The following NALF1 variants were observed in gnomAD, a reference collection of about 807,000 sequenced individuals.
The protein encoded by NALF1 is family with sequence similarity 155 member A.
In NALF1, 3 loss-of-function variants were observed where a neutral mutation model predicts 48.4. The ratio of observed to expected loss-of-function variants is 0.06; its 90% confidence interval spans 0.03 to 0.16. The LOEUF (loss-of-function observed/expected upper bound fraction) is 0.16. Among genes scored for constraint, NALF1 ranks in the 10% least tolerant of loss-of-function variants. The pLI is 1.00. For synonymous variants in NALF1, 262 were observed against 245.7 expected (o/e 1.07, Z -0.62); for missense variants, 526 against 571.5 (o/e 0.92, Z 0.81).
chr13:107,277,484 T>G (rs1881304113), intron 1 of NALF1, among the ~76,000 whole-genome samples: 1 of 152,184 alleles, frequency 6.6e-6, no homozygotes, highest in African/African-American at 2.4e-5. Context: ...TGGTCAAAAT[T>G]TGGCTGTTTT....
chr13:107,794,022 G>A (rs61967467), intron 1 of NALF1, among the ~76,000 whole-genome samples: 26,207 of 151,938 alleles, frequency 0.17, 2,580 homozygotes, highest in Admixed American at 0.27. Context: ...AAGGTAAAAC[G>A]TAAACCATTC....
chr13:107,457,357 AC>A (rs1477031263), intron 1 of NALF1, among the ~76,000 whole-genome samples: 1 of 152,182 alleles, frequency 6.6e-6, no homozygotes, highest in Non-Finnish European at 1.5e-5. Context: ...GTTTCAGATT[AC>A]CTATGAATGT....
At chr13:107,464,530 T>C (rs1468910470) in intron 1 of NALF1, among the ~76,000 whole-genome samples, 1 of 152,020 alleles carries the variant, frequency 6.6e-6, no homozygotes, top group East Asian at 1.9e-4. Context: ...TTTTTTTAAT[T>C]TTTTTTTGAG....
At chr13:107,529,038 A>G (rs540897049) in intron 1 of NALF1, among the ~76,000 whole-genome samples, 41 of 152,242 alleles carry the variant, frequency 2.7e-4, no homozygotes, top group African/African-American at 9.9e-4. Context: ...CCTTTTCTAC[A>G]GTGTTACTCA....
rs1243458209 is a variant in NALF1 at position 107,164,933 on chromosome 13, C to T, written c.*5564G>A. On this transcript the variant is annotated 3_prime_UTR_variant, in exon 3 of 3. Coordinates refer to ENST00000375915, the MANE Select transcript of NALF1 (RefSeq NM_001080396.3). ...ATGATAACTAACTACTACTGAGCAC[C>T]TGTTTTGTCCAGGCACATTTATATT... is the stretch of plus-strand genomic sequence containing the variant. 6.6e-6 allele frequency: 1 copy of T among 152,102 alleles called. No individual in the cohort carries two copies. The highest frequency in any genetic ancestry group is 1.5e-5 in the Non-Finnish European group (1 of 68,026). 9.4% of individuals were successfully genotyped at this position (152,102 alleles called of 1,614,324 possible). A position where few individuals can be genotyped will look rare whatever the true frequency, so the allele number is the denominator to read the frequency against.
In NALF1 at chr13:107,185,367, C is replaced by T. The variant is rs144166254; in HGVS notation, c.1088-14581G>A. Among the ~76,000 whole-genome samples the T allele has an allele frequency of 1.6e-3, 240 of 151,442 alleles. 1 individual carries two copies. The highest frequency in any genetic ancestry group is 5.5e-3 in the African/African-American group (228 of 41,188). On this transcript the variant is annotated intron_variant, in intron 2 of 2. Coordinates refer to ENST00000375915, the MANE Select transcript of NALF1 (RefSeq NM_001080396.3). Reference sequence around the variant, plus strand: ...TTATCTATTTGCCTCCAGAACAGTGCGTGTTATTCCCCCCACCCCCGCCCC... The same window carrying T: ...TTATCTATTTGCCTCCAGAACAGTGTGTGTTATTCCCCCCACCCCCGCCCC...
At chr13:107,552,267 C>G (rs1250356904) in intron 1 of NALF1, among the ~76,000 whole-genome samples, 1 of 152,144 alleles carries the variant, frequency 6.6e-6, no homozygotes, top group Non-Finnish European at 1.5e-5. Flanking sequence ...TCATTGCCTG[C>G]TACAGTCAAC....
intron 1 of NALF1, among the ~76,000 whole-genome samples, chr13:107,427,856 A>G (rs1884306396): frequency 1.3e-5 from 2 of 152,216 alleles, no homozygotes; most frequent in African/African-American, 4.8e-5. Context: ...GAGGATAGAA[A>G]AAAAGATAAA....
At chr13:107,338,824 AC>A (rs1435370313) in intron 1 of NALF1, among the ~76,000 whole-genome samples, 1 of 152,168 alleles carries the variant, frequency 6.6e-6, no homozygotes, top group African/African-American at 2.4e-5. Flanking sequence ...TGGGTGCAAA[AC>A]AATTCTAAAA....
rs932444079 is a variant in NALF1, at chr13:107,596,121, C to T, written c.915+269561G>A. ...AGGAATGATCTGTGGGAGAAGGCACCTCAACAAATACAAAGTAGTGGGAAT... is the reference window on the plus strand; with the variant it reads ...AGGAATGATCTGTGGGAGAAGGCACTTCAACAAATACAAAGTAGTGGGAAT... On this transcript the variant is annotated intron_variant, in intron 1 of 2. Coordinates refer to ENST00000375915, the MANE Select transcript of NALF1 (RefSeq NM_001080396.3). Among the ~76,000 whole-genome samples, 3 of 152,132 alleles carry T rather than the reference C, an allele frequency of 2.0e-5. No homozygotes were observed. In the South Asian group the frequency reaches 6.2e-4, roughly 31 times the overall value.
At chr13:107,680,055 G>A (rs1462219295) in intron 1 of NALF1, among the ~76,000 whole-genome samples, 1 of 152,176 alleles carries the variant, frequency 6.6e-6, no homozygotes, top group African/African-American at 2.4e-5. Context: ...TCCCAAGCAT[G>A]GCTGCTTCAG....
At chr13:107,303,036 C>A (rs1226024593) in intron 1 of NALF1, among the ~76,000 whole-genome samples, 1 of 152,170 alleles carries the variant, frequency 6.6e-6, no homozygotes, top group African/African-American at 2.4e-5. Context: ...CCATACTTGT[C>A]ACCTTCTATT....
chr13:107,619,431 T>C (rs1332796688), intron 1 of NALF1, among the ~76,000 whole-genome samples: 1 of 152,180 alleles, frequency 6.6e-6, no homozygotes. Context: ...AAGTATCTCA[T>C]TGCCTTGCAG....
chr13:107,521,778 A>T (rs1055637209), intron 1 of NALF1, among the ~76,000 whole-genome samples: 1 of 152,168 alleles, frequency 6.6e-6, no homozygotes, highest in Non-Finnish European at 1.5e-5. Flanking sequence ...TAGGAGTACA[A>T]GAAAGACTTT....
intron 1 of NALF1, among the ~76,000 whole-genome samples, chr13:107,734,615 T>G (rs1009302144): frequency 1.3e-5 from 2 of 152,158 alleles, no homozygotes; most frequent in African/African-American, 4.8e-5. Context: ...AAGATGCATT[T>G]TCAAATCCCC....
At chr13:107,298,721 C>A (rs1881775725) in intron 1 of NALF1, among the ~76,000 whole-genome samples, 1 of 152,176 alleles carries the variant, frequency 6.6e-6, no homozygotes, top group Non-Finnish European at 1.5e-5. Flanking sequence ...TGAGCCACTG[C>A]ACCTGGCCAC....
chr13:107,334,019 T>G (rs1882513895), intron 1 of NALF1, among the ~76,000 whole-genome samples: 1 of 152,238 alleles, frequency 6.6e-6, no homozygotes. Flanking sequence ...TGCCACTGTT[T>G]CATTCATGAA....
intron 1 of NALF1, among the ~76,000 whole-genome samples, chr13:107,802,506 GA>G (rs1878650392): frequency 1.3e-5 from 2 of 151,910 alleles, no homozygotes; most frequent in Admixed American, 1.3e-4. Context: ...ACAAATCTTA[GA>G]AAAATTATTG....
intron 1 of NALF1, among the ~76,000 whole-genome samples, chr13:107,767,361 A>C (rs1374945253): frequency 2.0e-5 from 3 of 152,158 alleles, no homozygotes; most frequent in African/African-American, 7.2e-5. Context: ...CTGTATGTCC[A>C]AGTGTAATTG....
Sources: gnomAD v4.1 joint callset for allele counts (sites outside exome capture counted in the v4.1 genomes callset) on GRCh38, gnomAD v4.1.1 for gene constraint, MANE v1.5 for transcripts, NCBI Gene and HGNC (gene_info 2026-07-23, HGNC 2026-07-21) for gene names.